TKTL1: variants seen among roughly 807,000 people sequenced by gnomAD.
The protein encoded by TKTL1 is transketolase-like protein 1.
TKTL1 carries 1 observed loss-of-function variant against 39.3 expected under a neutral mutation model. The ratio of observed to expected loss-of-function variants is 0.03; its 90% CI spans 0.01 to 0.12. The LOEUF is 0.12. Ranked by LOEUF, TKTL1 falls within the 10% of genes least tolerant of loss-of-function variation. The pLI is 1.00. For missense variants in TKTL1, 575 were observed against 509.6 expected (o/e 1.13, Z -1.24); for synonymous variants, 262 against 193.8 (o/e 1.35, Z -2.92).
intron 1 of TKTL1, among the ~76,000 whole-genome samples, chrX:154,302,812 G>C (rs782479249): frequency 5.4e-5 from 6 of 111,727 alleles, no homozygotes; most frequent in Non-Finnish European, 9.4e-5. Context: ...AGAGAGATTG[G>C]AGACACACAG....
rs782767719 is a variant in TKTL1 at position 154,323,190 on chromosome X, G to T, written c.1187-17G>T. ...TGGGGTTATGCTCCTGTTTTCATCGGGCTCTGGTTCTCTCAGGTGACGATG... is the reference window on the plus strand; with the variant it reads ...TGGGGTTATGCTCCTGTTTTCATCGTGCTCTGGTTCTCTCAGGTGACGATG... On this transcript the variant is annotated splice_polypyrimidine_tract_variant and intron_variant, in intron 8 of 12. Coordinates refer to ENST00000369915, the MANE Select transcript of TKTL1 (RefSeq NM_012253.4). 8.3e-7 allele frequency: 1 copy of T among 1,206,715 alleles called. No homozygotes were observed. Among genetic ancestry groups the T allele is most frequent in the African/African-American group, 1.8e-5 (1 of 56,856 alleles).
chrX:154,303,063 C>T (rs1291793544), intron 1 of TKTL1, among the ~76,000 whole-genome samples: 7 of 111,240 alleles, frequency 6.3e-5, no homozygotes, highest in East Asian at 2.8e-4. Flanking sequence ...GAAACGAATG[C>T]GTTAACCCAT....
Position 154,305,377 on chromosome X carries a change from T to G in TKTL1, c.208T>G (p.Ser70Ala). 5.8e-6 allele frequency: 7 copies of G among 1,210,249 alleles called. No homozygotes were observed. The highest frequency in any genetic ancestry group is 7.8e-6 in the Non-Finnish European group (7 of 894,594). ...CTTCTACATCATGAGGTACAAGCAGTCAGATCCAGAGAATCCGGACAACGA... is the reference window on the plus strand; with the variant it reads ...CTTCTACATCATGAGGTACAAGCAGGCAGATCCAGAGAATCCGGACAACGA... ...LFFYIMRYKQ[S>A]DPENPDNDRF... Residue 70 changes from serine to alanine, a missense_variant, in exon 2 of 13, where the codon TCA (serine) becomes GCA (alanine). Coordinates refer to ENST00000369915, the MANE Select transcript of TKTL1 (RefSeq NM_012253.4).
intron 9 of TKTL1, 60 bp from the exon 10 acceptor site, chrX:154,325,279 C>T (rs1283949667): frequency 2.2e-5 from 24 of 1,070,022 alleles, no homozygotes; most frequent in Non-Finnish European, 2.6e-5. Flanking sequence ...CTTCTTTCAA[C>T]GTCTGTTGTT....
Position 154,298,998 on chromosome X carries a change from C to T in TKTL1, c.134+3005C>T, listed in dbSNP as rs782561559. The stretch of plus-strand genomic sequence containing the variant: ...TGCTGGGATTACAAGTGTGAGCCAC[C>T]GCACCCGGCCAGATGTGAGGGGTTT... On this transcript the variant is annotated intron_variant, in intron 1 of 12. Transcript: ENST00000369915. Among the ~76,000 whole-genome samples the T allele has an allele frequency of 1.7e-3, 186 of 109,947 alleles. 1 individual carries two copies. The highest frequency in any genetic ancestry group is 2.9e-3 in the Non-Finnish European group (154 of 52,738).
chrX:154,296,421 G>A (rs1277099545), intron 1 of TKTL1, among the ~76,000 whole-genome samples: 1 of 111,186 alleles, frequency 9.0e-6, no homozygotes, highest in Non-Finnish European at 1.9e-5. Flanking sequence ...GAGGGTGAAT[G>A]AGCGACTCTA....
chrX:154,324,108 T>C (rs962604969), intron 9 of TKTL1, among the ~76,000 whole-genome samples: 2 of 111,542 alleles, frequency 1.8e-5, no homozygotes, highest in Non-Finnish European at 3.8e-5. Context: ...CTTTACATAT[T>C]ATTAGGTACT....
At chrX:154,323,127 T>G (rs985262420) in intron 8 of TKTL1, 80 bp from the exon 9 acceptor site, 36 of 1,139,343 alleles carry the variant, frequency 3.2e-5, no homozygotes, top group Middle Eastern at 2.8e-4. Flanking sequence ...AATAATTGCT[T>G]CTTCAGAGCT....
chrX:154,316,773 T>TG, intron 7 of TKTL1, among the ~76,000 whole-genome samples: 1 of 105,258 alleles, frequency 9.5e-6, no homozygotes, highest in East Asian at 2.9e-4. Flanking sequence ...TTTTGGGGGT[T>TG]TTTTTTTTTT....
chrX:154,309,480 A>G, intron 3 of TKTL1, 38 bp downstream of exon 3: 2 of 1,090,977 alleles, frequency 1.8e-6, no homozygotes, highest in Non-Finnish European at 1.3e-6. Context: ...ACTGCCCTAC[A>G]TCTACATCCC....
chrX:154,302,600 A>G (rs2067282399), intron 1 of TKTL1, among the ~76,000 whole-genome samples: 1 of 111,210 alleles, frequency 9.0e-6, no homozygotes, highest in African/African-American at 3.3e-5. Flanking sequence ...GCCTCCAAAT[A>G]CTGTCACACT....
chrX:154,326,945 A>T (rs2067497430), intron 10 of TKTL1, among the ~76,000 whole-genome samples: 1 of 112,224 alleles, frequency 8.9e-6, no homozygotes, highest in Non-Finnish European at 1.9e-5. Flanking sequence ...TTTCTGTACT[A>T]TCAGCAATGG....
chrX:154,315,610 A>C (rs2067393230), intron 7 of TKTL1, among the ~76,000 whole-genome samples: 2 of 111,199 alleles, frequency 1.8e-5, no homozygotes, highest in African/African-American at 6.5e-5. Flanking sequence ...CTGAGCCTCG[A>C]ACCATCTGAA....
intron 1 of TKTL1, among the ~76,000 whole-genome samples, chrX:154,299,220 A>G (rs371996114): frequency 1.1e-5 from 1 of 93,041 alleles, no homozygotes; most frequent in East Asian, 3.2e-4. Flanking sequence ...CAGTGGCACA[A>G]TCTAGGCTTA....
At chrX:154,306,040 C>T (rs1440822876) in intron 2 of TKTL1, among the ~76,000 whole-genome samples, 1 of 111,124 alleles carries the variant, frequency 9.0e-6, no homozygotes, top group Non-Finnish European at 1.9e-5. Context: ...GGTGCAGTGG[C>T]TCACGCCTGT....
rs782627025 is a variant in TKTL1 at position 154,320,834 on chromosome X, A to G, written c.1107A>G (p.Arg369=). The G allele has an allele frequency of 8.3e-6, 10 of 1,211,123 alleles. No homozygotes were observed. The Admixed American group carries it at 2.2e-4, about 26-fold the overall frequency. ...GCACCTTTGCTGCCTTTCTGACTCG[A>G]GCATTTGATCACATCCGGATAGGAG... ...FASTFAAFLT[R]AFDHIRIGGL... is the part of the protein sequence containing the mutation. Residue 369 remains arginine, a synonymous_variant, in exon 8 of 13, where the codon CGA becomes CGG. Coordinates refer to ENST00000369915, the MANE Select transcript of TKTL1 (RefSeq NM_012253.4).
At position 154,325,342 on chromosome X, in the gene TKTL1, A is replaced by T; in HGVS notation, c.1321A>T (p.Met441Leu). The T allele has an allele frequency of 5.8e-6, 7 of 1,209,534 alleles. No individual in the cohort carries two copies. Among genetic ancestry groups the T allele is most frequent in the Non-Finnish European group, 7.8e-6 (7 of 893,395 alleles). ...CATGGCTCCATTTATGCCCTAGGGG[A>T]TGTGCTTCATTCGGACCACCCGACC... ...AVALAANAKG[M>L]CFIRTTRPET... is the part of the protein sequence containing the mutation. Residue 441 changes from methionine (M) to leucine (L), a missense_variant, in exon 10 of 13, where the codon ATG (methionine) becomes TTG (leucine). Coordinates refer to ENST00000369915, the MANE Select transcript of TKTL1 (RefSeq NM_012253.4).
At chrX:154,307,103 T>C (rs906384689) in intron 2 of TKTL1, among the ~76,000 whole-genome samples, 18 of 110,577 alleles carry the variant, frequency 1.6e-4, no homozygotes, top group African/African-American at 5.6e-4. Flanking sequence ...AAGACCCCAG[T>C]GTCTACAAAA....
At chrX:154,324,856 C>CAA (rs1274028634) in intron 9 of TKTL1, among the ~76,000 whole-genome samples, 2 of 111,934 alleles carry the variant, frequency 1.8e-5, no homozygotes, top group East Asian at 5.5e-4. Flanking sequence ...TACAAGTGTT[C>CAA]ATTTATACTG....
Sources: allele counts gnomAD v4.1 joint callset (sites outside exome capture counted in the v4.1 genomes callset), GRCh38; gene constraint gnomAD v4.1.1; transcripts MANE v1.5; gene names NCBI Gene and HGNC (gene_info 2026-07-23, HGNC 2026-07-21).